Variants in POLR1B observed in about 807,000 individuals in gnomAD.
The protein encoded by POLR1B is DNA-directed RNA polymerase I subunit RPA2.
In POLR1B, 30 loss-of-function variants were observed where a neutral mutation model predicts 105.8. The observed-to-expected ratio is 0.28, with a 90% CI of 0.21 to 0.38. The LOEUF is 0.38. Among genes scored for constraint, POLR1B ranks in the 10% least tolerant of loss-of-function variants. The pLI, the probability that POLR1B is intolerant of heterozygous loss-of-function variation, is 1.00. For missense variants in POLR1B, 976 were observed against 1,435.8 expected (o/e 0.68, Z 5.17); for synonymous variants, 485 against 505.1 (o/e 0.96, Z 0.53).
rs767271936 is a variant in POLR1B at position 112,542,477 on chromosome 2, C to A, written c.-18C>A. 2 of 1,613,648 alleles carry A rather than the reference C, an allele frequency of 1.2e-6. No homozygotes were observed. Among genetic ancestry groups the A allele is most frequent in the Non-Finnish European group, 8.5e-7 (1 of 1,179,988 alleles). The stretch of plus-strand genomic sequence containing the variant: ...CGGCGTGTACCGAGAGACTGGCGTC[C>A]GGTGTGCAGGTGGCCACATGGATCC... On this transcript the variant is annotated 5_prime_UTR_variant, in exon 1 of 15. Coordinates refer to ENST00000263331, the MANE Select transcript of POLR1B (RefSeq NM_019014.6).
intron 3 of POLR1B, among the ~76,000 whole-genome samples, chr2:112,548,432 A>G (rs760162609): frequency 3.9e-5 from 6 of 152,230 alleles, no homozygotes; most frequent in Admixed American, 6.5e-5. Flanking sequence ...GTTTCATAGT[A>G]GGCAATTCGT....
intron 1 of POLR1B, among the ~76,000 whole-genome samples, chr2:112,543,762 A>G (rs777109346): frequency 6.6e-6 from 1 of 152,176 alleles, no homozygotes; most frequent in African/African-American, 2.4e-5. Context: ...TTGTTACAGT[A>G]TCATGTCTGT....
upstream of POLR1B, chr2:112,542,192 C>A: frequency 6.5e-7 from 1 of 1,535,646 alleles, no homozygotes; most frequent in Non-Finnish European, 8.7e-7. Context: ...GGGCGGGGAG[C>A]GGGTTTCCAC....
chr2:112,562,281 G>A (rs1040675044), intron 9 of POLR1B, among the ~76,000 whole-genome samples: 10 of 152,090 alleles, frequency 6.6e-5, no homozygotes, highest in African/African-American at 9.7e-5. Flanking sequence ...TTACATTTTG[G>A]GGGTTAATGC....
intron 8 of POLR1B, among the ~76,000 whole-genome samples, chr2:112,558,418 G>T (rs1053478365): frequency 6.6e-6 from 1 of 152,062 alleles, no homozygotes; most frequent in African/African-American, 2.4e-5. Flanking sequence ...GACCTGAGAG[G>T]CCAGGTGTGG....
At chr2:112,544,242 C>T (rs766369579) in intron 1 of POLR1B, among the ~76,000 whole-genome samples, 3 of 151,604 alleles carry the variant, frequency 2.0e-5, no homozygotes, top group Non-Finnish European at 2.9e-5. Flanking sequence ...ACCAGCCTGG[C>T]CAACCTGGTG....
rs1390872790 is a variant in POLR1B, at chr2:112,549,175, T to A, written c.493-92T>A. 13 of 1,372,398 alleles carry A rather than the reference T, an allele frequency of 9.5e-6. No homozygotes were observed. The East Asian group carries it at 2.1e-4, about 22-fold the overall frequency. The allele number at this position is 1,372,398 out of a possible 1,614,324, so 85.0% of individuals were successfully genotyped here. ...ATTTCACCTCTGTGTTCCTATTCTGTGTGTTGTACTACCTTTGGCTAGGAG... is the reference window on the plus strand; with the variant it reads ...ATTTCACCTCTGTGTTCCTATTCTGAGTGTTGTACTACCTTTGGCTAGGAG... On this transcript the variant is annotated intron_variant, in intron 3 of 14. Coordinates refer to ENST00000263331, the MANE Select transcript of POLR1B (RefSeq NM_019014.6).
chr2:112,579,381 CTT>C lies in POLR1B; in HGVS notation c.*3655_*3656del, dbSNP rs746333440. The C allele has an allele frequency of 6.6e-6, 1 of 152,108 alleles. No homozygotes were observed. Among genetic ancestry groups the C allele is most frequent in the South Asian group, 2.1e-4 (1 of 4,828 alleles). 9.4% of individuals were successfully genotyped at this position (152,108 alleles called of 1,614,324 possible). On this transcript the variant is annotated 3_prime_UTR_variant, in exon 15 of 15. Transcript: ENST00000263331. ...ATATTTCATTTAATAAACTGCCAAA[CTT>C]TTCAGAGTGGCTGTGCCATTTTACA...
chr2:112,556,708 A>C (rs921049366), intron 7 of POLR1B, among the ~76,000 whole-genome samples: 5 of 152,214 alleles, frequency 3.3e-5, no homozygotes, highest in Non-Finnish European at 5.9e-5. Context: ...TTTTCTTCCA[A>C]ATATCAAATA....
intron 13 of POLR1B, among the ~76,000 whole-genome samples, chr2:112,573,275 G>T (rs535346528): frequency 6.6e-6 from 1 of 152,002 alleles, no homozygotes; most frequent in African/African-American, 2.4e-5. Context: ...GCTAATTTTC[G>T]TGTTTTTAGT....
intron 7 of POLR1B, among the ~76,000 whole-genome samples, chr2:112,554,966 A>G (rs530766541): frequency 6.6e-6 from 1 of 152,292 alleles, no homozygotes; most frequent in South Asian, 2.1e-4. Context: ...GGATCTTCTG[A>G]TCTCAGGAGT....
At chr2:112,542,407 G>T, upstream of POLR1B, 1 of 1,611,848 alleles carries the variant, frequency 6.2e-7, no homozygotes, top group Non-Finnish European at 8.5e-7. Context: ...CTGCGGAAAC[G>T]GGACTGCGGC....
chr2:112,556,430 C>T, intron 7 of POLR1B, among the ~76,000 whole-genome samples: 1 of 152,210 alleles, frequency 6.6e-6, no homozygotes, highest in Non-Finnish European at 1.5e-5. Flanking sequence ...TCCCACACCT[C>T]TCCAAAATTT....
chr2:112,564,263 T>A (rs1684162616), intron 9 of POLR1B, 103 bp from the exon 10 acceptor site: 1 of 1,349,078 alleles, frequency 7.4e-7, no homozygotes, highest in Non-Finnish European at 1.0e-6. Context: ...AAGGATAATT[T>A]GATATCTGAA....
chr2:112,573,581 G>C lies in POLR1B; in HGVS notation c.2291G>C (p.Trp764Ser). 6.2e-7 allele frequency: 1 copy of C among 1,613,684 alleles called. No homozygotes were observed. The highest frequency in any genetic ancestry group is 8.5e-7 in the Non-Finnish European group (1 of 1,179,816). The part of the protein sequence containing the change: ...EDAMIVNKAS[W>S]ERGFAHGSVY... Reference sequence around the variant, plus strand: ...TCACAGATTGTGAATAAGGCCTCTTGGGAACGAGGCTTTGCCCATGGAAGT... The same window carrying C: ...TCACAGATTGTGAATAAGGCCTCTTCGGAACGAGGCTTTGCCCATGGAAGT... Residue 764 changes from tryptophan (W) to serine (S), a missense_variant, in exon 14 of 15, where the codon TGG becomes TCG. Trp to Ser is a radical substitution (Grantham distance 177). Transcript: ENST00000263331.
chr2:112,542,119 A>G, upstream of POLR1B: 1 of 1,535,644 alleles, frequency 6.5e-7, no homozygotes, highest in East Asian at 2.4e-5. Flanking sequence ...GCCTGAGAAG[A>G]CCGCTCTCCT....
At chr2:112,552,333 C>T (rs1393673922) in intron 6 of POLR1B, among the ~76,000 whole-genome samples, 1 of 152,136 alleles carries the variant, frequency 6.6e-6, no homozygotes, top group Admixed American at 6.5e-5. Context: ...CACAGATGTA[C>T]ATTTTTCTTT....
At chr2:112,546,467 T>A (rs1178237790) in intron 1 of POLR1B, among the ~76,000 whole-genome samples, 1 of 150,468 alleles carries the variant, frequency 6.6e-6, no homozygotes, top group African/African-American at 2.4e-5. Context: ...ACACATGTGG[T>A]CACTCAAAAC....
chr2:112,555,114 G>T (rs1302025899), intron 7 of POLR1B, among the ~76,000 whole-genome samples: 1 of 152,168 alleles, frequency 6.6e-6, no homozygotes, highest in East Asian at 1.9e-4. Context: ...CTGGGAGACG[G>T]AGGTTACAGT....
Sources: gnomAD v4.1 joint callset for allele counts (sites outside exome capture counted in the v4.1 genomes callset) on GRCh38, gnomAD v4.1.1 for gene constraint, MANE v1.5 for transcripts, NCBI Gene and HGNC (gene_info 2026-07-23, HGNC 2026-07-21) for gene names.